The following CDH18 variants were observed in gnomAD, a reference collection of about 807,000 sequenced individuals.
The protein encoded by CDH18 is cadherin-18.
A neutral mutation model predicts 67.9 loss-of-function variants in CDH18; 31 were observed. The ratio of observed to expected loss-of-function variants is 0.46; its 90% CI spans 0.34 to 0.62. The LOEUF (loss-of-function observed/expected upper bound fraction) is 0.62, where lower values mean the gene tolerates loss of function less well. CDH18 is among the 20% of genes least tolerant of loss of function. CDH18 has a pLI of 0.01. For missense variants in CDH18, 890 were observed against 975.5 expected (o/e 0.91, Z 1.17); for synonymous variants, 362 against 347.2 (o/e 1.04, Z -0.48).
At chr5:20,283,154 GAA>G (rs34826825) in intron 1 of CDH18, among the ~76,000 whole-genome samples, 2 of 151,500 alleles carry the variant, frequency 1.3e-5, no homozygotes, top group African/African-American at 4.8e-5. Flanking sequence ...AAAATTACTA[GAA>G]AAAAAATAAC....
intron 2 of CDH18, among the ~76,000 whole-genome samples, chr5:20,176,451 A>T (rs906873729): frequency 6.6e-6 from 1 of 152,174 alleles, no homozygotes; most frequent in African/African-American, 2.4e-5. Context: ...GCTTCTAATG[A>T]CTGCATAGTT....
At chr5:19,499,869 T>C (rs1561205806) in intron 11 of CDH18, among the ~76,000 whole-genome samples, 1 of 152,152 alleles carries the variant, frequency 6.6e-6, no homozygotes, top group East Asian at 1.9e-4. Context: ...ATTTGGGAGA[T>C]GTCACTAAAC....
chr5:19,927,673 CAT>C lies in CDH18; in HGVS notation c.-257+53385_-257+53386del, dbSNP rs1296421074. On this transcript the variant is annotated intron_variant, in intron 2 of 12. Transcript: ENST00000382275. ...CAGGTCAGCTATTTTCTAATGCAGA[CAT>C]GTAATTTTTTGGAGATTATGTATAA... Among the ~76,000 whole-genome samples, 10 of 152,116 alleles carry C rather than the reference CAT, an allele frequency of 6.6e-5. No individual in the cohort carries two copies. In the South Asian group the frequency reaches 2.1e-3, roughly 32 times the overall value.
intron 5 of CDH18, among the ~76,000 whole-genome samples, chr5:19,636,839 A>G (rs62351287): frequency 0.064 from 9,744 of 152,124 alleles, 335 homozygotes; most frequent in Non-Finnish European, 0.074. Flanking sequence ...TCAGGATAAG[A>G]TATATTCTTT....
intron 3 of CDH18, among the ~76,000 whole-genome samples, chr5:19,827,675 A>T (rs924165772): frequency 2.0e-5 from 3 of 152,186 alleles, no homozygotes; most frequent in Non-Finnish European, 4.4e-5. Flanking sequence ...AGAATCAAGA[A>T]ATTGTTTGAT....
intron 4 of CDH18, among the ~76,000 whole-genome samples, chr5:19,730,741 T>C (rs565195334): frequency 6.8e-6 from 1 of 147,512 alleles, no homozygotes; most frequent in South Asian, 2.2e-4. Context: ...TGCTAAACAA[T>C]CATTTTCACA....
intron 2 of CDH18, among the ~76,000 whole-genome samples, chr5:19,909,569 G>A (rs984235010): frequency 3.3e-5 from 5 of 151,964 alleles, no homozygotes; most frequent in African/African-American, 7.3e-5. Context: ...AAAGTGGCAT[G>A]AGCCACCACG....
intron 1 of CDH18, among the ~76,000 whole-genome samples, chr5:20,273,811 C>T (rs1745611161): frequency 6.6e-6 from 1 of 152,036 alleles, no homozygotes; most frequent in Non-Finnish European, 1.5e-5. Context: ...CAGGATGTTA[C>T]ATTAAAATAG....
intron 2 of CDH18, among the ~76,000 whole-genome samples, chr5:20,177,663 G>A (rs963645730): frequency 2.0e-5 from 3 of 151,990 alleles, no homozygotes; most frequent in Admixed American, 2.0e-4. Context: ...TCCTGATATG[G>A]TTCGGCCATG....
At chr5:20,047,073 CAA>C (rs540517925) in intron 2 of CDH18, among the ~76,000 whole-genome samples, 130 of 151,684 alleles carry the variant, frequency 8.6e-4, no homozygotes, top group African/African-American at 3.0e-3. Context: ...TGTTTGGAAA[CAA>C]GAGAGAGTAT....
At chr5:19,858,625 A>G (rs1343400067) in intron 2 of CDH18, among the ~76,000 whole-genome samples, 1 of 152,210 alleles carries the variant, frequency 6.6e-6, no homozygotes, top group Non-Finnish European at 1.5e-5. Flanking sequence ...GAAAGTGAAG[A>G]TAAAGTTTGA....
intron 1 of CDH18, among the ~76,000 whole-genome samples, chr5:20,565,943 T>G (rs1443981003): frequency 6.6e-6 from 1 of 152,100 alleles, no homozygotes; most frequent in Non-Finnish European, 1.5e-5. Context: ...TTATGTTTTG[T>G]CATCTTTTGT....
Position 19,473,105 on chromosome 5 carries a change from G to A in CDH18, c.*121C>T. The A allele has an allele frequency of 2.6e-6, 3 of 1,176,378 alleles. No homozygotes were observed. Among genetic ancestry groups the A allele is most frequent in the Non-Finnish European group, 3.6e-6 (3 of 832,736 alleles). The allele number at this position is 1,176,378 out of a possible 1,614,324, so 72.9% of individuals were successfully genotyped here. On this transcript the variant is annotated 3_prime_UTR_variant, in exon 13 of 13. Transcript: ENST00000382275. Reference sequence around the variant, plus strand: ...CATGAAAAGGGCACTTGTTTCTACAGGAGCTGTGTCCAGCTTCCTCAGTTC... The same window carrying A: ...CATGAAAAGGGCACTTGTTTCTACAAGAGCTGTGTCCAGCTTCCTCAGTTC...
chr5:19,581,788 T>C (rs142067317), intron 7 of CDH18, among the ~76,000 whole-genome samples: 196 of 151,996 alleles, frequency 1.3e-3, no homozygotes, highest in Admixed American at 2.9e-3. Flanking sequence ...TCTGGAAAAG[T>C]ATTTAACTTA....
At chr5:20,356,753 C>CTCTCTCTA (rs1228584814) in intron 1 of CDH18, among the ~76,000 whole-genome samples, 194 of 121,512 alleles carry the variant, frequency 1.6e-3, no homozygotes, top group African/African-American at 5.1e-3. Context: ...CTCTCTCTCT[C>CTCTCTCTA]TATATATATA....
At chr5:20,313,961 G>A (rs780838468) in intron 1 of CDH18, among the ~76,000 whole-genome samples, 22 of 152,078 alleles carry the variant, frequency 1.4e-4, no homozygotes, top group Non-Finnish European at 2.2e-4. Context: ...GCACTCTGAT[G>A]TATCCCTACT....
chr5:20,197,342 A>G (rs1739062485), intron 2 of CDH18, among the ~76,000 whole-genome samples: 1 of 152,208 alleles, frequency 6.6e-6, no homozygotes, highest in South Asian at 2.1e-4. Flanking sequence ...TTTCCTCTTT[A>G]TAGCTAGAAT....
chr5:19,752,206 T>C (rs1304460431), intron 3 of CDH18, among the ~76,000 whole-genome samples: 1 of 152,152 alleles, frequency 6.6e-6, no homozygotes, highest in Admixed American at 6.5e-5. Flanking sequence ...ATGCAAATCC[T>C]GTGTGTAGAC....
chr5:20,205,864 G>A (rs1739838492), intron 2 of CDH18, among the ~76,000 whole-genome samples: 1 of 151,640 alleles, frequency 6.6e-6, no homozygotes, highest in African/African-American at 2.4e-5. Flanking sequence ...TACTAAGAGG[G>A]AAGTTTATAA....
Sources: allele counts gnomAD v4.1 joint callset (sites outside exome capture counted in the v4.1 genomes callset), GRCh38; gene constraint gnomAD v4.1.1; transcripts MANE v1.5; gene names NCBI Gene and HGNC (gene_info 2026-07-23, HGNC 2026-07-21).